The following CEMIP variants were observed in gnomAD, a reference collection of about 807,000 sequenced individuals.
CEMIP encodes the protein cell migration-inducing and hyaluronan-binding protein.
In CEMIP, 105 loss-of-function variants were observed where a neutral mutation model predicts 156.9. The observed-to-expected ratio is 0.67, with a 90% confidence interval of 0.57 to 0.79. CEMIP has a LOEUF of 0.79. CEMIP is among the 30% of genes least tolerant of loss of function. The pLI is 0.00. For synonymous variants in CEMIP, 676 were observed against 668.4 expected, an observed-to-expected ratio of 1.01 and a Z score of -0.17; for missense variants, 1,457 against 1,769.4, an observed-to-expected ratio of 0.82 and a Z score of 3.17.
intron 1 of CEMIP, among the ~76,000 whole-genome samples, chr15:80,810,233 A>T (rs371943377): frequency 6.6e-6 from 1 of 152,340 alleles, no homozygotes; most frequent in East Asian, 1.9e-4. Context: ...AAGTCTTATG[A>T]AGCAGAAAAA....
rs201227565 is a variant in CEMIP at position 80,884,265 on chromosome 15, G to A, written c.708G>A (p.Val236=). The change falls in exon 7 of 30, where the codon GTG becomes GTA. Residue 236 remains valine, a synonymous_variant. Transcript: ENST00000394685. ...ATGGCAGGATCCTTTCTGTTGCAGTGAATGATGAAGGTTCTCGAAATCTGG... is the reference window on the plus strand; with the variant it reads ...ATGGCAGGATCCTTTCTGTTGCAGTAAATGATGAAGGTTCTCGAAATCTGG... ...VPDGRILSVA[V]NDEGSRNLDD... 1.9e-6 allele frequency: 3 copies of A among 1,614,224 alleles called. No homozygotes were observed. The highest frequency in any genetic ancestry group is 2.5e-6 in the Non-Finnish European group (3 of 1,180,036).
chr15:80,874,043 T>C, intron 3 of CEMIP, 70 bp downstream of exon 3: 2 of 1,426,598 alleles, frequency 1.4e-6, no homozygotes. Context: ...GGAGCAAGGC[T>C]GCTTTTGGGG....
chr15:80,819,180 A>G (rs1896856289), intron 1 of CEMIP, among the ~76,000 whole-genome samples: 1 of 152,244 alleles, frequency 6.6e-6, no homozygotes, highest in South Asian at 2.1e-4. Flanking sequence ...ACCCAGTCCT[A>G]TTTTTAAAAT....
intron 6 of CEMIP, 38 bp from the exon 7 acceptor site, chr15:80,884,137 T>A (rs762435723): frequency 4.5e-5 from 72 of 1,610,132 alleles, no homozygotes; most frequent in Non-Finnish European, 5.4e-5. Context: ...TTGGCTGCGG[T>A]CAAGACTATT....
intron 14 of CEMIP, among the ~76,000 whole-genome samples, chr15:80,912,557 C>T (rs1900110323): frequency 6.6e-6 from 1 of 152,210 alleles, no homozygotes; most frequent in Non-Finnish European, 1.5e-5. Flanking sequence ...AAGGTAAAAC[C>T]AAATTGTCCT....
In CEMIP at chr15:80,929,829, G is replaced by A. The variant is rs79293333; in HGVS notation, c.2612+655G>A. Among the ~76,000 whole-genome samples, 1,128 of 152,334 alleles carry A rather than the reference G, an allele frequency of 7.4e-3. 17 individuals are homozygous for A. The highest frequency in any genetic ancestry group is 0.026 in the African/African-American group (1,074 of 41,560). ...TGTCCTGAGGAGTCCTGGTTTCTGC[G>A]GCTGGGGGAGTTCAAATGAAGGTCA... On this transcript the variant is annotated intron_variant, in intron 21 of 29. Coordinates refer to ENST00000394685, the MANE Select transcript of CEMIP (RefSeq NM_001293298.2).
chr15:80,848,295 C>G (rs750950596), intron 1 of CEMIP, among the ~76,000 whole-genome samples: 2 of 152,152 alleles, frequency 1.3e-5, no homozygotes, highest in Non-Finnish European at 2.9e-5. Context: ...GGAAGCCACT[C>G]ACGCTCCACA....
rs774032614 is a variant in CEMIP at position 80,909,112 on chromosome 15, A to G, written c.1603A>G (p.Lys535Glu). The G allele has an allele frequency of 1.2e-6, 2 of 1,613,918 alleles. No individual in the cohort carries two copies. The highest frequency in any genetic ancestry group is 3.3e-5 in the Admixed American group (2 of 60,012). ...CCTCTCCTAGTTTGCTCTGGGATTT[A>G]AGGCAGCACACTTGGAGGGCACGGA... is the stretch of plus-strand genomic sequence containing the variant. ...GGHIKFALGF[K>E]AAHLEGTELK... Residue 535 changes from lysine to glutamate, a missense_variant, in exon 14 of 30, where the codon AAG becomes GAG. This residue lies in a region of CEMIP where 280 missense variants were observed against 300.3 expected (regional missense o/e 0.93). Transcript: ENST00000394685.
At chr15:80,804,171 G>A (rs1896451459) in intron 1 of CEMIP, among the ~76,000 whole-genome samples, 1 of 152,190 alleles carries the variant, frequency 6.6e-6, no homozygotes, top group Non-Finnish European at 1.5e-5. Flanking sequence ...CTTTCACAAT[G>A]CATCGGAATT....
chr15:80,813,589 A>G (rs1896720897), intron 1 of CEMIP, among the ~76,000 whole-genome samples: 1 of 151,818 alleles, frequency 6.6e-6, no homozygotes, highest in Non-Finnish European at 1.5e-5. Flanking sequence ...CAGGTGATCC[A>G]CCTGCGTTGG....
intron 13 of CEMIP, among the ~76,000 whole-genome samples, chr15:80,908,766 T>C (rs780539567): frequency 8.5e-5 from 13 of 152,162 alleles, no homozygotes; most frequent in Admixed American, 3.9e-4. Flanking sequence ...ATCTCAGAGT[T>C]ATCCCTTGCT....
Position 80,925,753 on chromosome 15 carries a change from C to G in CEMIP, c.2418C>G (p.Cys806Trp), listed in dbSNP as rs1900637944. 6.2e-7 allele frequency: 1 copy of G among 1,612,258 alleles called. No individual in the cohort carries two copies. Among genetic ancestry groups the G allele is most frequent in the African/African-American group, 1.3e-5 (1 of 74,906 alleles). ...LRGGDVWLDS[C>W]RFADNGIGLT... ...GCGGGGATGTGTGGCTGGACAGCTG[C>G]CGGTGAGTCAGAGCGGCGTGTGGCT... Residue 806 changes from cysteine to tryptophan, a missense_variant and splice_region_variant, in exon 19 of 30, where the codon TGC (cysteine) becomes TGG (tryptophan). By Grantham distance (215) the Cys-to-Trp change is radical. Transcript: ENST00000394685.
At chr15:80,936,038 AAC>A (rs1454578643) in intron 23 of CEMIP, among the ~76,000 whole-genome samples, 18 of 152,184 alleles carry the variant, frequency 1.2e-4, no homozygotes, top group Admixed American at 3.3e-4. Flanking sequence ...GCGCCCGGCC[AAC>A]ACAGTGTTTT....
At chr15:80,924,524 C>T (rs892667744) in intron 17 of CEMIP, 97 bp from the exon 18 acceptor site, 1 of 1,047,818 alleles carries the variant, frequency 9.5e-7, no homozygotes, top group Non-Finnish European at 1.5e-6. Flanking sequence ...GCTGGTTTTC[C>T]CGGAGCATTC....
chr15:80,899,557 G>A (rs1175101546), intron 12 of CEMIP, among the ~76,000 whole-genome samples: 1 of 152,156 alleles, frequency 6.6e-6, no homozygotes, highest in Non-Finnish European at 1.5e-5. Flanking sequence ...TACTGCCACA[G>A]GGGAACATAA....
chr15:80,860,598 C>T (rs1897961690), intron 1 of CEMIP, among the ~76,000 whole-genome samples: 1 of 152,216 alleles, frequency 6.6e-6, no homozygotes. Flanking sequence ...CCCATCTCAC[C>T]TACCAGGCAA....
At chr15:80,850,111 A>G (rs930083752) in intron 1 of CEMIP, among the ~76,000 whole-genome samples, 2 of 152,176 alleles carry the variant, frequency 1.3e-5, no homozygotes, top group Non-Finnish European at 2.9e-5. Flanking sequence ...CTGTCCAGGC[A>G]AGGGATGGGC....
At chr15:80,921,900 A>G in intron 16 of CEMIP, 109 bp from the exon 17 acceptor site, 3 of 1,425,882 alleles carry the variant, frequency 2.1e-6, no homozygotes, top group Non-Finnish European at 3.0e-6. Context: ...CCTGTGGGTG[A>G]CGGCAGTAGC....
Position 80,946,991 on chromosome 15 carries a change from G to A in CEMIP, c.3884G>A (p.Gly1295Glu). ...TCCATAGTGCTTATGGCATCAAAGG[G>A]AAGATACGTCTCCAGAGGCCCATGG... ...DNSIVLMASK[G>E]RYVSRGPWTR... The change falls in exon 29 of 30, where the codon GGA becomes GAA. Residue 1295 changes from glycine (G) to glutamate (E), a missense_variant. This residue lies in a region of CEMIP where 798 missense variants were observed against 980.1 expected (regional missense o/e 0.81). Transcript: ENST00000394685. 6.2e-7 allele frequency: 1 copy of A among 1,613,852 alleles called. No homozygotes were observed. Among genetic ancestry groups the A allele is most frequent in the East Asian group, 2.2e-5 (1 of 44,880 alleles).
Sources: gnomAD v4.1 joint callset for allele counts (sites outside exome capture counted in the v4.1 genomes callset) on GRCh38, gnomAD v4.1.1 for gene constraint, gnomAD v4.1.1 regional missense constraint, MANE v1.5 for transcripts, NCBI Gene and HGNC (gene_info 2026-07-23, HGNC 2026-07-21) for gene names.